The following MAP2K5 variants were observed in gnomAD, a reference collection of about 807,000 sequenced individuals.
MAP2K5 encodes mitogen-activated protein kinase kinase 5.
A neutral mutation model predicts 83.1 loss-of-function variants in MAP2K5; 49 were observed. The observed-to-expected ratio is 0.59, with a 90% confidence interval of 0.47 to 0.75. The LOEUF is 0.75. Among genes scored for constraint, MAP2K5 ranks in the 30% least tolerant of loss-of-function variants. The pLI, the probability that MAP2K5 is intolerant of heterozygous loss-of-function variation, is 0.00. For missense variants in MAP2K5, 457 were observed against 557.5 expected, an observed-to-expected ratio of 0.82 and a Z score of 1.82; for synonymous variants, 202 against 191.8, an observed-to-expected ratio of 1.05 and a Z score of -0.44.
Position 67,748,631 on chromosome 15 carries a change from C to T in MAP2K5, c.1134+30C>T, listed in dbSNP as rs762995710. 7 of 1,606,662 alleles carry T rather than the reference C, an allele frequency of 4.4e-6. No homozygotes were observed. The East Asian group carries it at 8.9e-5, about 20-fold the overall frequency. On this transcript the variant is annotated intron_variant, in intron 19 of 21. Coordinates refer to ENST00000178640, the MANE Select transcript of MAP2K5 (RefSeq NM_145160.3). The surrounding 1 kb of genome is among the most constrained non-coding windows in gnomAD (Gnocchi z 4.0). ...GGCATCGTCTTATGTGCTTTCACTC[C>T]TAAAGTCATTCCTAATGGTGTGGAA...
At chr15:67,560,250 G>A (rs2084706616) in intron 2 of MAP2K5, among the ~76,000 whole-genome samples, 1 of 152,224 alleles carries the variant, frequency 6.6e-6, no homozygotes, top group African/African-American at 2.4e-5. Flanking sequence ...CTGCCATCAA[G>A]GGGTCAGAGA....
chr15:67,554,932 C>G (rs1360510748), intron 2 of MAP2K5, among the ~76,000 whole-genome samples: 1 of 152,124 alleles, frequency 6.6e-6, no homozygotes, highest in African/African-American at 2.4e-5. Context: ...TGGTGGTGGA[C>G]AGTTCAGGCC....
chr15:67,768,287 G>T lies in MAP2K5; in HGVS notation c.1135-1315G>T, dbSNP rs1321764330. ...TAATCACATAGGAGGCTGTGCAATTGTATCTATCTGCCACCATTGATAATG... is the reference window on the plus strand; with the variant it reads ...TAATCACATAGGAGGCTGTGCAATTTTATCTATCTGCCACCATTGATAATG... On this transcript the variant is annotated intron_variant, in intron 19 of 21. Coordinates refer to ENST00000178640, the MANE Select transcript of MAP2K5 (RefSeq NM_145160.3). The surrounding 1 kb of genome is among the most constrained non-coding windows in gnomAD (Gnocchi z 4.0). Among the ~76,000 whole-genome samples, 3 of 152,186 alleles carry T rather than the reference G, an allele frequency of 2.0e-5. No homozygotes were observed. The highest frequency in any genetic ancestry group is 7.2e-5 in the African/African-American group (3 of 41,454).
chr15:67,602,710 G>T (rs2085688854), intron 8 of MAP2K5, among the ~76,000 whole-genome samples: 1 of 152,204 alleles, frequency 6.6e-6, no homozygotes, highest in African/African-American at 2.4e-5. Context: ...TGCCCAGGCT[G>T]GAGTGCAGTG....
chr15:67,804,646 A>G (rs1411982156), intron 21 of MAP2K5, among the ~76,000 whole-genome samples: 1 of 152,196 alleles, frequency 6.6e-6, no homozygotes, highest in African/African-American at 2.4e-5. Flanking sequence ...AGAACAGATG[A>G]TAACAGAGAT....
rs2089042308 is a variant in MAP2K5 at position 67,724,386 on chromosome 15, T to TC, written c.1045-3530_1045-3529insC. Among the ~76,000 whole-genome samples, 1 of 152,048 alleles carries TC rather than the reference T, an allele frequency of 6.6e-6. No homozygotes were observed. ...GACAGCCTCGTGGAGAACTCGTTCTTTTTTATTTATTTATTTATTTATTTT... is the reference window on the plus strand; with the variant it reads ...GACAGCCTCGTGGAGAACTCGTTCTTCTTTTATTTATTTATTTATTTATTTT... On this transcript the variant is annotated intron_variant, in intron 16 of 21. Coordinates refer to ENST00000178640, the MANE Select transcript of MAP2K5 (RefSeq NM_145160.3). This position sits in a 1 kb window ranked among gnomAD's most constrained non-coding sequence, Gnocchi z 4.4.
In MAP2K5 at chr15:67,760,784, G is replaced by A. The variant is rs1410590384; in HGVS notation, c.1135-8818G>A. Among the ~76,000 whole-genome samples, 2 of 152,070 alleles carry A rather than the reference G, an allele frequency of 1.3e-5. No homozygotes were observed. Among genetic ancestry groups the A allele is most frequent in the Non-Finnish European group, 2.9e-5 (2 of 68,010 alleles). ...AGTTTTGGCTGCTGTCATTTAACATGTGTTGCTGTATTGTGAAGTCTTACC... is the reference window on the plus strand; with the variant it reads ...AGTTTTGGCTGCTGTCATTTAACATATGTTGCTGTATTGTGAAGTCTTACC... On this transcript the variant is annotated intron_variant, in intron 19 of 21. Transcript: ENST00000178640. This position sits in a 1 kb window ranked among gnomAD's most constrained non-coding sequence, Gnocchi z 4.1.
At position 67,708,849 on chromosome 15, in the gene MAP2K5, A is replaced by G. The variant is rs2088621885; in HGVS notation, c.1044+5441A>G. ...GGTACATTTATGCCTTAAGCAAAGA[A>G]ACTTTAATATCAGACTATCTTTTAT... On this transcript the variant is annotated intron_variant, in intron 16 of 21. Coordinates refer to ENST00000178640, the MANE Select transcript of MAP2K5 (RefSeq NM_145160.3). The surrounding 1 kb of genome is among the most constrained non-coding windows in gnomAD (Gnocchi z 4.9). Among the ~76,000 whole-genome samples the G allele has an allele frequency of 6.6e-6, 1 of 152,166 alleles. No homozygotes were observed. The highest frequency in any genetic ancestry group is 2.4e-5 in the African/African-American group (1 of 41,430).
chr15:67,687,464 G>A (rs1027220508), intron 13 of MAP2K5, among the ~76,000 whole-genome samples: 1 of 152,142 alleles, frequency 6.6e-6, no homozygotes, highest in African/African-American at 2.4e-5. Context: ...CAGTATTTTT[G>A]TTCAGAGAAT....
intron 8 of MAP2K5, chr15:67,627,899 T>C: frequency 2.8e-6 from 2 of 724,402 alleles, no homozygotes; most frequent in South Asian, 2.9e-5. Flanking sequence ...GAGGAAGCTC[T>C]TCATTGGAGG....
In MAP2K5 at chr15:67,777,112, T is replaced by C. The variant is rs2090253354; in HGVS notation, c.1242+4360T>C. Among the ~76,000 whole-genome samples the C allele has an allele frequency of 6.6e-6, 1 of 152,184 alleles. No homozygotes were observed. Among genetic ancestry groups the C allele is most frequent in the Non-Finnish European group, 1.5e-5 (1 of 68,016 alleles). ...CCTTTAGAGTTACTTGGCCAGGAGC[T>C]GACTGTAGGGAGGGAAGTGTTCACT... is the stretch of plus-strand genomic sequence containing the variant. On this transcript the variant is annotated intron_variant, in intron 21 of 21. Transcript: ENST00000178640. The surrounding 1 kb of genome is among the most constrained non-coding windows in gnomAD (Gnocchi z 6.0).
At chr15:67,673,071 A>C (rs1198785745) in intron 13 of MAP2K5, among the ~76,000 whole-genome samples, 3 of 152,156 alleles carry the variant, frequency 2.0e-5, no homozygotes, top group Non-Finnish European at 4.4e-5. Flanking sequence ...GTAGCCTTGT[A>C]GTATAGTTTG....
In MAP2K5 at chr15:67,543,232, T is replaced by A; in HGVS notation, c.-104T>A. On this transcript the variant is annotated 5_prime_UTR_variant, in exon 1 of 22. Transcript: ENST00000178640. The surrounding 1 kb of genome is among the most constrained non-coding windows in gnomAD (Gnocchi z 4.3). ...ATCCTCCATTCCCTTGTTTTCACCC[T>A]CTGTCCTCTGCCCGTCACTCCCCTT... 24 of 1,104,250 alleles carry A rather than the reference T, an allele frequency of 2.2e-5. 1 individual carries two copies. In the South Asian group the frequency reaches 2.7e-4, roughly 13 times the overall value. The allele number at this position is 1,104,250 out of a possible 1,614,324, so 68.4% of individuals were successfully genotyped here.
rs146749845 is a variant in MAP2K5, at chr15:67,775,984, C to T, written c.1242+3232C>T. ...TACAAGGAACCCTGGGAACACCACA[C>T]TTATCCACATGGATCTTTTTTCTTG... is the stretch of plus-strand genomic sequence containing the variant. On this transcript the variant is annotated intron_variant, in intron 21 of 21. Transcript: ENST00000178640. The surrounding 1 kb of genome is among the most constrained non-coding windows in gnomAD (Gnocchi z 5.3). Among the ~76,000 whole-genome samples, 21 of 152,314 alleles carry T rather than the reference C, an allele frequency of 1.4e-4. No individual in the cohort carries two copies. Among genetic ancestry groups the T allele is most frequent in the Non-Finnish European group, 2.2e-4 (15 of 68,022 alleles).
At chr15:67,669,347 G>A (rs2141162816) in intron 13 of MAP2K5, among the ~76,000 whole-genome samples, 1 of 152,178 alleles carries the variant, frequency 6.6e-6, no homozygotes, top group South Asian at 2.1e-4. Flanking sequence ...TTGAGGTTAG[G>A]GGAAGCAAAG....
In MAP2K5 at chr15:67,638,141, G is replaced by A. The variant is rs1458651703; in HGVS notation, c.585+7214G>A. ...TATATAAGTATACTTGTGCCATGGG[G>A]GTTTGTTGTACAGATTATTTTGTCA... is the stretch of plus-strand genomic sequence containing the variant. On this transcript the variant is annotated intron_variant, in intron 9 of 21. Coordinates refer to ENST00000178640, the MANE Select transcript of MAP2K5 (RefSeq NM_145160.3). This position sits in a 1 kb window ranked among gnomAD's most constrained non-coding sequence, Gnocchi z 4.5. Among the ~76,000 whole-genome samples, 1 of 151,726 alleles carries A rather than the reference G, an allele frequency of 6.6e-6. No homozygotes were observed. Among genetic ancestry groups the A allele is most frequent in the Non-Finnish European group, 1.5e-5 (1 of 67,952 alleles).
chr15:67,608,528 C>T (rs1404687972), intron 8 of MAP2K5, among the ~76,000 whole-genome samples: 1 of 152,132 alleles, frequency 6.6e-6, no homozygotes, highest in Non-Finnish European at 1.5e-5. Flanking sequence ...GTGTATGGTG[C>T]ACAGATCTGG....
In MAP2K5 at chr15:67,807,113, C is replaced by A; in HGVS notation, c.*363C>A. On this transcript the variant is annotated 3_prime_UTR_variant, in exon 22 of 22. Coordinates refer to ENST00000178640, the MANE Select transcript of MAP2K5 (RefSeq NM_145160.3). The surrounding 1 kb of genome is among the most constrained non-coding windows in gnomAD (Gnocchi z 5.1). ...GAATAAAAGTATTAATGCTTTGTGA[C>A]AGCCTCTGCCATAAGAGTTGTGTGG... 1.9e-6 allele frequency: 1 copy of A among 525,404 alleles called. No homozygotes were observed. Among genetic ancestry groups the A allele is most frequent in the Non-Finnish European group, 3.0e-6 (1 of 334,964 alleles). 32.5% of individuals were successfully genotyped at this position (525,404 alleles called of 1,614,324 possible). A position where few individuals can be genotyped will look rare whatever the true frequency, so the allele number is the denominator to read the frequency against.
chr15:67,574,304 GTTCA>G (rs1343799796), intron 3 of MAP2K5, among the ~76,000 whole-genome samples: 2 of 152,194 alleles, frequency 1.3e-5, no homozygotes, highest in African/African-American at 4.8e-5. Context: ...GGGCATAGTG[GTTCA>G]TGCCTGTAAT....
Sources: gnomAD v4.1 joint callset for allele counts (sites outside exome capture counted in the v4.1 genomes callset) on GRCh38, gnomAD v4.1.1 for gene constraint, Gnocchi (gnomAD v3.1) non-coding constraint, MANE v1.5 for transcripts, NCBI Gene and HGNC (gene_info 2026-07-23, HGNC 2026-07-21) for gene names.